Variants in SMC6 observed in about 807,000 individuals in gnomAD.
The protein encoded by SMC6 is structural maintenance of chromosomes protein 6.
Under a neutral mutation model 142.2 loss-of-function variants are expected in SMC6, and 79 were observed. The observed-to-expected ratio is 0.56, with a 90% CI of 0.46 to 0.67. SMC6 has a LOEUF of 0.67. Ranked by LOEUF, SMC6 falls within the 30% of genes least tolerant of loss-of-function variation. SMC6 has a pLI of 0.00. For missense variants in SMC6, 1,072 were observed against 1,284.0 expected (o/e 0.83, Z 2.52); for synonymous variants, 411 against 412.4 (o/e 1.00, Z 0.04).
At chr2:17,727,743 C>T (rs931157899) in intron 7 of SMC6, among the ~76,000 whole-genome samples, 1 of 152,006 alleles carries the variant, frequency 6.6e-6, no homozygotes, top group Non-Finnish European at 1.5e-5. Flanking sequence ...AAATGAAAAA[C>T]ACTTTAAACC....
At chr2:17,742,017 T>C (rs906413312) in intron 3 of SMC6, among the ~76,000 whole-genome samples, 1 of 152,208 alleles carries the variant, frequency 6.6e-6, no homozygotes, top group Non-Finnish European at 1.5e-5. Context: ...GTTTGTCTTG[T>C]GCATTGCAGA....
rs80267490 is a variant in SMC6 at position 17,683,288 on chromosome 2, T to G, written c.2804+350A>C. ...TTCTAGTAGATTATGGTAAATCAAC[T>G]GAGGTATTACCTTTATAGTTCCTAC... is the stretch of plus-strand genomic sequence containing the variant. On this transcript the variant is annotated intron_variant, in intron 24 of 27. Transcript: ENST00000448223. Among the ~76,000 whole-genome samples, 736 of 152,322 alleles carry G rather than the reference T, an allele frequency of 4.8e-3. 4 individuals carry two copies. The highest frequency in any genetic ancestry group is 0.016 in the African/African-American group (683 of 41,560).
chr2:17,719,203 GT>G (rs972689283), intron 11 of SMC6, among the ~76,000 whole-genome samples: 3 of 152,052 alleles, frequency 2.0e-5, no homozygotes, highest in Admixed American at 2.0e-4. Flanking sequence ...TAGAGGAATT[GT>G]TTTTTTAATA....
intron 25 of SMC6, among the ~76,000 whole-genome samples, chr2:17,674,187 A>T (rs1666902401): frequency 6.6e-6 from 1 of 152,146 alleles, no homozygotes; most frequent in Non-Finnish European, 1.5e-5. Flanking sequence ...TAATGTATAT[A>T]TTTAGAGCTA....
At position 17,686,560 on chromosome 2, in the gene SMC6, G is replaced by A. The variant is rs187862480; in HGVS notation, c.2679-2797C>T. Among the ~76,000 whole-genome samples the A allele has an allele frequency of 5.2e-3, 793 of 152,240 alleles. 9 individuals carry two copies. The highest frequency in any genetic ancestry group is 8.6e-3 in the Non-Finnish European group (588 of 67,990). ...CGAGCATTGATATGATGCCAAAAGT[G>A]AAAAATTCCACACCTGACCTCATGG... On this transcript the variant is annotated intron_variant, in intron 23 of 27. Coordinates refer to ENST00000448223, the MANE Select transcript of SMC6 (RefSeq NM_001142286.2).
chr2:17,714,388 CT>C, intron 16 of SMC6, among the ~76,000 whole-genome samples: 1 of 152,182 alleles, frequency 6.6e-6, no homozygotes, highest in East Asian at 1.9e-4. Flanking sequence ...GCCCCTGTGC[CT>C]GGCCTACATT....
At chr2:17,735,272 G>A (rs1163319820) in intron 5 of SMC6, among the ~76,000 whole-genome samples, 1 of 152,110 alleles carries the variant, frequency 6.6e-6, no homozygotes, top group Non-Finnish European at 1.5e-5. Flanking sequence ...CTATCTATGA[G>A]ATTTTTTTCA....
intron 20 of SMC6, 116 bp from the exon 21 acceptor site, chr2:17,700,494 C>G (rs1334636475): frequency 1.0e-5 from 7 of 691,046 alleles, no homozygotes; most frequent in Non-Finnish European, 1.5e-5. Context: ...CAAATCAGAT[C>G]AAATACAAAT....
chr2:17,705,464 T>C (rs1285221496), intron 18 of SMC6, among the ~76,000 whole-genome samples: 2 of 150,444 alleles, frequency 1.3e-5, no homozygotes, highest in Non-Finnish European at 3.0e-5. Context: ...GGTACTCAGG[T>C]GGCTGAGGCA....
In SMC6 at chr2:17,714,959, G is replaced by C. The variant is rs1361161177; in HGVS notation, c.1632C>G (p.Val544=). The C allele has an allele frequency of 9.3e-6, 15 of 1,613,852 alleles. No homozygotes were observed. Among genetic ancestry groups the C allele is most frequent in the African/African-American group, 2.7e-5 (2 of 74,884 alleles). The change falls in exon 16 of 28, where the codon GTC becomes GTG. Residue 544 remains valine (V), a synonymous_variant. Transcript: ENST00000448223. Reference sequence around the variant, plus strand: ...AAAACCTTTTCATGAGTGCCTGAAGGACCCTTTCATCAGCATGATTATGGC... The same window carrying C: ...AAAACCTTTTCATGAGTGCCTGAAGCACCCTTTCATCAGCATGATTATGGC... The part of the protein sequence containing the change: ...YCCHNHADER[V]LQALMKRFYL...
chr2:17,711,079 T>C (rs897202735), intron 16 of SMC6, among the ~76,000 whole-genome samples: 23 of 152,138 alleles, frequency 1.5e-4, no homozygotes, highest in African/African-American at 5.6e-4. Context: ...TGGTGAAATG[T>C]AGACTCTCGC....
chr2:17,683,713 C>T lies in SMC6; in HGVS notation c.2729G>A (p.Arg910Lys), dbSNP rs1436109823. The T allele has an allele frequency of 6.2e-7, 1 of 1,611,014 alleles. No homozygotes were observed. ...TAATTTAATAAACTTTTTTAAAGTC[C>T]TCACTTTACTATCCAGATCAAGATA... ...ETYLDLDSKV[R>K]TLKKFIKLLG... The change falls in exon 24 of 28, where the codon AGG (arginine) becomes AAG (lysine). Residue 910 changes from arginine to lysine, a missense_variant. Arg to Lys is a conservative substitution (Grantham distance 26). Around this residue, in one of 3 missense-constraint regions of SMC6, gnomAD observed 994 missense variants for 1,153.2 expected, o/e 0.86. Coordinates refer to ENST00000448223, the MANE Select transcript of SMC6 (RefSeq NM_001142286.2).
rs1297244387 is a variant in SMC6, at chr2:17,731,229, G to C, written c.482-90C>G. On this transcript the variant is annotated intron_variant, in intron 6 of 27. Coordinates refer to ENST00000448223, the MANE Select transcript of SMC6 (RefSeq NM_001142286.2). ...AGTTACTTACAAAATATAAATATTA[G>C]TTAGCTTTCATTGCATCATCAAGAA... The C allele has an allele frequency of 5.9e-6, 5 of 849,024 alleles. No individual in the cohort carries two copies. The African/African-American group carries it at 8.6e-5, about 15-fold the overall frequency. 52.6% of individuals were successfully genotyped at this position (849,024 alleles called of 1,614,324 possible).
chr2:17,727,809 G>C (rs747471543), intron 7 of SMC6, among the ~76,000 whole-genome samples: 9 of 152,062 alleles, frequency 5.9e-5, no homozygotes, highest in Non-Finnish European at 1.2e-4. Context: ...TATACCAATG[G>C]TTAAAACATT....
At chr2:17,730,989 G>T in intron 7 of SMC6, 89 bp downstream of exon 7, 2 of 925,238 alleles carry the variant, frequency 2.2e-6, no homozygotes, top group Non-Finnish European at 1.8e-6. Flanking sequence ...CTCATATGAG[G>T]CCATTTAAAT....
chr2:17,725,168 A>T lies in SMC6; in HGVS notation c.726+89T>A, dbSNP rs73921057. On this transcript the variant is annotated intron_variant, in intron 9 of 27. Transcript: ENST00000448223. ...AATATTACTAGTTTTATATAAATAT[A>T]CAGACACATAGTTTTACAATATCAT... 350 of 811,868 alleles carry T rather than the reference A, an allele frequency of 4.3e-4. 1 individual carries two copies. In the African/African-American group the frequency reaches 5.4e-3, roughly 13 times the overall value. 50.3% of individuals were successfully genotyped at this position (811,868 alleles called of 1,614,324 possible). A position where few individuals can be genotyped will look rare whatever the true frequency, so the allele number is the denominator to read the frequency against.
chr2:17,728,958 C>A (rs1485278290), intron 7 of SMC6, among the ~76,000 whole-genome samples: 1 of 152,050 alleles, frequency 6.6e-6, no homozygotes, highest in Non-Finnish European at 1.5e-5. Context: ...CCATGTTGGC[C>A]AGCCTGGTCT....
intron 12 of SMC6, among the ~76,000 whole-genome samples, chr2:17,717,457 G>A (rs1229288108): frequency 6.6e-6 from 1 of 151,296 alleles, no homozygotes; most frequent in Admixed American, 6.6e-5. Context: ...GGATCACGAG[G>A]TCAGGAGATC....
chr2:17,748,955 G>T (rs774796921), intron 2 of SMC6, among the ~76,000 whole-genome samples: 7 of 152,166 alleles, frequency 4.6e-5, no homozygotes, highest in Non-Finnish European at 8.8e-5. Flanking sequence ...TATTTGCTGA[G>T]AATGTTTTTT....
Sources: allele counts gnomAD v4.1 joint callset (sites outside exome capture counted in the v4.1 genomes callset), GRCh38; gene constraint gnomAD v4.1.1; regional missense constraint gnomAD v4.1.1; transcripts MANE v1.5; gene names NCBI Gene and HGNC (gene_info 2026-07-23, HGNC 2026-07-21).